MAGI1: variants seen among roughly 807,000 people sequenced by gnomAD.
MAGI1 encodes membrane associated guanylate kinase, WW and PDZ domain containing 1.
MAGI1 carries 58 observed loss-of-function variants against 139.9 expected under a neutral mutation model. That is an observed-to-expected ratio of 0.41 (90% CI 0.34 to 0.52). The LOEUF is 0.52. MAGI1 is among the 20% of genes least tolerant of loss of function. The pLI, the probability that MAGI1 is intolerant of heterozygous loss-of-function variation, is 0.12. For synonymous variants in MAGI1, 812 were observed against 737.9 expected (o/e 1.10, Z -1.63); for missense variants, 1,874 against 1,901.6 (o/e 0.99, Z 0.27).
intron 1 of MAGI1, among the ~76,000 whole-genome samples, chr3:65,779,787 G>C (rs928520488): frequency 1.3e-5 from 2 of 152,278 alleles, no homozygotes; most frequent in Admixed American, 1.3e-4. Context: ...ATCTATCTTT[G>C]GAAAGTGACG....
chr3:65,629,561 C>T (rs78729512), intron 1 of MAGI1, among the ~76,000 whole-genome samples: 1 of 142,998 alleles, frequency 7.0e-6, no homozygotes. Context: ...GCTATTACAG[C>T]AAAAAAAAAA....
intron 1 of MAGI1, among the ~76,000 whole-genome samples, chr3:65,943,893 A>C (rs151139683): frequency 1.7e-3 from 260 of 152,334 alleles, no homozygotes; most frequent in African/African-American, 6.0e-3. Flanking sequence ...TCCTGCAATT[A>C]AGAAATATAT....
chr3:65,505,637 A>AAATAAT (rs142787163), intron 2 of MAGI1, among the ~76,000 whole-genome samples: 63,199 of 144,126 alleles, frequency 0.44, 14,425 homozygotes, highest in Non-Finnish European at 0.52. Flanking sequence ...ACAAAGTCTA[A>AAATAAT]AATAATAATA....
intron 1 of MAGI1, among the ~76,000 whole-genome samples, chr3:65,730,881 C>G (rs899537358): frequency 6.6e-6 from 1 of 151,470 alleles, no homozygotes; most frequent in African/African-American, 2.4e-5. Context: ...CTGTTATTGT[C>G]TAACTCTCCC....
At chr3:65,360,307 C>G (rs1458597251) in intron 22 of MAGI1, 6 of 983,388 alleles carry the variant, frequency 6.1e-6, no homozygotes, top group Non-Finnish European at 7.2e-6. Context: ...TTTGGTAGAC[C>G]TTTGGTTGGG....
chr3:65,472,142 A>T (rs2107588591), intron 4 of MAGI1, among the ~76,000 whole-genome samples: 1 of 152,308 alleles, frequency 6.6e-6, no homozygotes, highest in Non-Finnish European at 1.5e-5. Context: ...TAAGTAAGGG[A>T]ACAGAAAGGA....
chr3:65,433,098 G>C (rs1368409754), intron 10 of MAGI1, among the ~76,000 whole-genome samples: 2 of 152,170 alleles, frequency 1.3e-5, no homozygotes, highest in Non-Finnish European at 2.9e-5. Flanking sequence ...TTAGCTCCAT[G>C]AGGATTTTTA....
At chr3:65,536,952 T>C (rs1184568874) in intron 2 of MAGI1, among the ~76,000 whole-genome samples, 2 of 152,164 alleles carry the variant, frequency 1.3e-5, no homozygotes, top group Admixed American at 6.6e-5. Context: ...TAGTTTATCT[T>C]TGGACGTTTT....
At chr3:65,444,349 A>T (rs1299798803) in intron 7 of MAGI1, among the ~76,000 whole-genome samples, 1 of 152,146 alleles carries the variant, frequency 6.6e-6, no homozygotes, top group African/African-American at 2.4e-5. Flanking sequence ...GAACCAGGAA[A>T]ATATTACCAA....
intron 1 of MAGI1, among the ~76,000 whole-genome samples, chr3:65,944,982 T>A (rs2063485945): frequency 6.6e-6 from 1 of 152,198 alleles, no homozygotes; most frequent in South Asian, 2.1e-4. Context: ...TGATGGGGCA[T>A]GAAATAGAGG....
chr3:65,381,088 T>G (rs1943014531), intron 16 of MAGI1, among the ~76,000 whole-genome samples: 1 of 152,078 alleles, frequency 6.6e-6, no homozygotes, highest in African/African-American at 2.4e-5. Flanking sequence ...GCCTTAAAGG[T>G]TTCAAGGTGG....
intron 2 of MAGI1, among the ~76,000 whole-genome samples, chr3:65,509,316 T>C (rs1438282962): frequency 1.3e-5 from 2 of 152,172 alleles, no homozygotes; most frequent in African/African-American, 2.4e-5. Context: ...GATGGCCGAA[T>C]AGGAACAGCT....
intron 3 of MAGI1, among the ~76,000 whole-genome samples, chr3:65,488,399 C>T (rs11706593): frequency 0.31 from 46,746 of 150,440 alleles, 8,778 homozygotes; most frequent in East Asian, 0.73. Context: ...TGCAGTGGCA[C>T]AATCTCAGCT....
At chr3:66,000,115 G>A (rs2066665597) in intron 1 of MAGI1, among the ~76,000 whole-genome samples, 1 of 151,804 alleles carries the variant, frequency 6.6e-6, no homozygotes, top group Admixed American at 6.6e-5. Context: ...TGGGACTACA[G>A]GCGCCCGCTA....
At chr3:65,430,940 C>G (rs1947407215) in intron 10 of MAGI1, 59 bp from the exon 11 acceptor site, 2 of 1,505,412 alleles carry the variant, frequency 1.3e-6, no homozygotes, top group Non-Finnish European at 1.8e-6. Context: ...GAGAATTAAA[C>G]AAGATTTGAG....
intron 2 of MAGI1, among the ~76,000 whole-genome samples, chr3:65,557,081 T>C (rs547806676): frequency 1.5e-3 from 225 of 152,356 alleles, no homozygotes; most frequent in Middle Eastern, 3.4e-3. Context: ...CTCGGTATGT[T>C]GTTGACCTCC....
chr3:65,936,299 A>T (rs1192863562), intron 1 of MAGI1, among the ~76,000 whole-genome samples: 3 of 152,194 alleles, frequency 2.0e-5, no homozygotes. Flanking sequence ...AGCAGAATCA[A>T]AATTCCTAAG....
intron 5 of MAGI1, among the ~76,000 whole-genome samples, chr3:65,457,577 C>A (rs924838549): frequency 2.0e-5 from 3 of 152,022 alleles, no homozygotes; most frequent in African/African-American, 7.2e-5. Flanking sequence ...TTTTTTTGAG[C>A]AACCTTAAAT....
At chr3:65,390,647 G>GT (rs1943850886) in intron 14 of MAGI1, among the ~76,000 whole-genome samples, 1 of 152,042 alleles carries the variant, frequency 6.6e-6, no homozygotes, top group African/African-American at 2.4e-5. Context: ...CACTGCTATG[G>GT]TTTTTTCCTT....
Sources: gnomAD v4.1 joint callset for allele counts (sites outside exome capture counted in the v4.1 genomes callset) on GRCh38, gnomAD v4.1.1 for gene constraint, MANE v1.5 for transcripts, NCBI Gene and HGNC (gene_info 2026-07-23, HGNC 2026-07-21) for gene names.